The following PDZD2 variants were observed in gnomAD, a reference collection of about 807,000 sequenced individuals.
PDZD2 encodes PDZ domain-containing protein 2.
Under a neutral mutation model 220.7 loss-of-function variants are expected in PDZD2, and 90 were observed. That is an observed-to-expected ratio of 0.41 (90% CI 0.34 to 0.49). The LOEUF is 0.49. PDZD2 is among the 20% of genes least tolerant of loss of function. PDZD2 has a pLI of 0.28. For synonymous variants in PDZD2, 1,375 were observed against 1,450.5 expected, an observed-to-expected ratio of 0.95 and a Z score of 1.18; for missense variants, 3,174 against 3,608.5, an observed-to-expected ratio of 0.88 and a Z score of 3.08.
At chr5:32,008,300 T>TC (rs1753012773) in intron 5 of PDZD2, among the ~76,000 whole-genome samples, 1 of 149,954 alleles carries the variant, frequency 6.7e-6, no homozygotes, top group Non-Finnish European at 1.5e-5. Context: ...TTTTTTTTTT[T>TC]CTTTTTTTTG....
intron 2 of PDZD2, among the ~76,000 whole-genome samples, chr5:31,816,449 T>G (rs1755466209): frequency 6.6e-6 from 1 of 152,078 alleles, no homozygotes; most frequent in African/African-American, 2.4e-5. Context: ...AAAGATGGTG[T>G]TGTAACAATA....
chr5:31,790,510 G>C (rs1472936634), intron 1 of PDZD2, among the ~76,000 whole-genome samples: 1 of 152,128 alleles, frequency 6.6e-6, no homozygotes, highest in East Asian at 1.9e-4. Flanking sequence ...GTTGGTGTCA[G>C]TTGCAGGTGA....
chr5:32,058,425 T>C (rs1739324676), intron 12 of PDZD2, among the ~76,000 whole-genome samples: 1 of 151,448 alleles, frequency 6.6e-6, no homozygotes, highest in Admixed American at 6.6e-5. Context: ...TCCTAGCACT[T>C]TGGGAAGCCG....
intron 21 of PDZD2, among the ~76,000 whole-genome samples, chr5:32,096,605 C>A (rs545569693): frequency 6.6e-6 from 1 of 152,282 alleles, no homozygotes. Flanking sequence ...AGGCGTGAGC[C>A]ACTGCGCCTA....
chr5:31,880,805 T>C (rs993794067), intron 2 of PDZD2, among the ~76,000 whole-genome samples: 2 of 132,382 alleles, frequency 1.5e-5, no homozygotes, highest in Admixed American at 7.6e-5. Context: ...TTTTTTTTTT[T>C]TTTTTTTTTT....
chr5:32,109,252 T>TAAG lies in PDZD2; in HGVS notation c.*1118_*1120dup, dbSNP rs1554046025. The TAAG allele has an allele frequency of 6.6e-6, 1 of 151,214 alleles. No individual in the cohort carries two copies. Among genetic ancestry groups the TAAG allele is most frequent in the Non-Finnish European group, 1.5e-5 (1 of 68,022 alleles). 9.4% of individuals were successfully genotyped at this position (151,214 alleles called of 1,614,324 possible). ...AACATGTTTAAGAAATGTAACATTC[T>TAAG]AAGTATTGGATCTCTTTTCTTGACC... is the stretch of plus-strand genomic sequence containing the variant. On this transcript the variant is annotated 3_prime_UTR_variant, in exon 25 of 25. Coordinates refer to ENST00000438447, the MANE Select transcript of PDZD2 (RefSeq NM_178140.4).
Position 31,752,068 on chromosome 5 carries a change from G to GTTTTT in PDZD2, c.-360-46821_-360-46820insTTTTT, listed in dbSNP as rs1251840861. On this transcript the variant is annotated intron_variant, in intron 1 of 24. Coordinates refer to ENST00000438447, the MANE Select transcript of PDZD2 (RefSeq NM_178140.4). Reference sequence around the variant, plus strand: ...TTTGTTTGTTTGTTTTATTGTTTTGGGTTTGTTTTTTTTTTTTTTTTTCTG... The same window carrying GTTTTT: ...TTTGTTTGTTTGTTTTATTGTTTTGGTTTTTGTTTGTTTTTTTTTTTTTTTTTCTG... 1.5e-3 allele frequency among the ~76,000 whole-genome samples: 141 copies of GTTTTT among 95,894 alleles called. 11 individuals are homozygous for GTTTTT. The highest frequency in any genetic ancestry group is 3.1e-3 in the African/African-American group (68 of 22,040). 62.9% of individuals were successfully genotyped at this position (95,894 alleles called of 152,430 possible). A position where few individuals can be genotyped will look rare whatever the true frequency, so the allele number is the denominator to read the frequency against.
chr5:31,642,219 A>G (rs1744976278), intron 1 of PDZD2, among the ~76,000 whole-genome samples: 1 of 152,216 alleles, frequency 6.6e-6, no homozygotes. Flanking sequence ...AATCTCTTTA[A>G]GAAGACAGAC....
intron 1 of PDZD2, among the ~76,000 whole-genome samples, chr5:31,776,337 C>T (rs1752642762): frequency 6.6e-6 from 1 of 152,112 alleles, no homozygotes; most frequent in South Asian, 2.1e-4. Context: ...GTCACTGGAT[C>T]CCATCTGAGC....
intron 2 of PDZD2, among the ~76,000 whole-genome samples, chr5:31,968,379 C>A (rs932715728): frequency 2.0e-5 from 3 of 151,896 alleles, no homozygotes; most frequent in African/African-American, 7.3e-5. Context: ...ACAAGCTGGG[C>A]ACGGTGGCTC....
At chr5:31,835,212 G>T (rs17507902) in intron 2 of PDZD2, among the ~76,000 whole-genome samples, 1 of 151,956 alleles carries the variant, frequency 6.6e-6, no homozygotes, top group African/African-American at 2.4e-5. Context: ...GCTGAAAGGT[G>T]GTCACTGATG....
chr5:32,044,415 C>T (rs1737729457), intron 7 of PDZD2, among the ~76,000 whole-genome samples: 1 of 151,990 alleles, frequency 6.6e-6, no homozygotes, highest in Non-Finnish European at 1.5e-5. Flanking sequence ...CACCATGAGG[C>T]ACATACGAGA....
At chr5:31,751,699 G>A (rs1750982816) in intron 1 of PDZD2, among the ~76,000 whole-genome samples, 4 of 152,190 alleles carry the variant, frequency 2.6e-5, no homozygotes, top group African/African-American at 9.7e-5. Flanking sequence ...AGCCAGGACT[G>A]TGGATCGGTA....
At chr5:31,982,432 C>A (rs138730947) in intron 2 of PDZD2, among the ~76,000 whole-genome samples, 2 of 152,156 alleles carry the variant, frequency 1.3e-5, no homozygotes, top group East Asian at 3.8e-4. Flanking sequence ...CTCAGCCTCC[C>A]GAGTAGCTGG....
chr5:31,698,535 C>G (rs570534695), intron 1 of PDZD2, among the ~76,000 whole-genome samples: 160 of 150,026 alleles, frequency 1.1e-3, no homozygotes, highest in African/African-American at 3.6e-3. Flanking sequence ...GGAGGTGGAG[C>G]TTGCAGTGAG....
chr5:31,978,292 G>A (rs948953173), intron 2 of PDZD2, among the ~76,000 whole-genome samples: 2 of 152,112 alleles, frequency 1.3e-5, no homozygotes, highest in Non-Finnish European at 2.9e-5. Flanking sequence ...TCTAATGCTG[G>A]GTAAGGATCC....
At chr5:31,865,930 C>CT (rs35867918) in intron 2 of PDZD2, among the ~76,000 whole-genome samples, 2,475 of 142,820 alleles carry the variant, frequency 0.017, 52 homozygotes, top group African/African-American at 0.055. Context: ...CGCACCTGCC[C>CT]TTTTTTTTTT....
chr5:31,981,835 T>C (rs1042514204), intron 2 of PDZD2, among the ~76,000 whole-genome samples: 6 of 152,162 alleles, frequency 3.9e-5, no homozygotes, highest in African/African-American at 1.4e-4. Context: ...TTTCCTGACT[T>C]TGCACAAGGG....
chr5:31,904,759 T>A (rs541876909), intron 2 of PDZD2, among the ~76,000 whole-genome samples: 3 of 152,216 alleles, frequency 2.0e-5, no homozygotes, highest in East Asian at 1.9e-4. Flanking sequence ...ATGTCTTTTT[T>A]AAAAATTAGT....
Sources: allele counts gnomAD v4.1 joint callset (sites outside exome capture counted in the v4.1 genomes callset), GRCh38; gene constraint gnomAD v4.1.1; transcripts MANE v1.5; gene names NCBI Gene and HGNC (gene_info 2026-07-23, HGNC 2026-07-21).